Variants in SH3BP4 observed in about 807,000 individuals in gnomAD.
SH3BP4 encodes the protein SH3 domain binding protein 4.
SH3BP4 carries 33 observed loss-of-function variants against 65.5 expected under a neutral mutation model. The observed-to-expected ratio is 0.50, with a 90% CI of 0.38 to 0.67. The LOEUF (loss-of-function observed/expected upper bound fraction) is 0.67. SH3BP4 is among the 30% of genes least tolerant of loss of function. The probability of loss-of-function intolerance (pLI) is 0.00; values close to 1 mark genes in which losing one functional copy is unlikely to be tolerated. For synonymous variants in SH3BP4, 552 were observed against 545.5 expected (o/e 1.01, Z -0.17); for missense variants, 1,134 against 1,261.4 (o/e 0.90, Z 1.53).
rs1193741091 is a variant in SH3BP4, at chr2:234,967,929, A to G, written c.-207+15759A>G. ...ATTGGCCATTGTGTGTTCATCTAAG[A>G]GTTAGTGCAGGACCGGAAGCTCCCA... On this transcript the variant is annotated intron_variant, in intron 1 of 5. Coordinates refer to ENST00000392011, the MANE Select transcript of SH3BP4 (RefSeq NM_014521.3). This position sits in a 1 kb window ranked among gnomAD's most constrained non-coding sequence, Gnocchi z 4.6. Among the ~76,000 whole-genome samples, 2 of 151,962 alleles carry G rather than the reference A, an allele frequency of 1.3e-5. No individual in the cohort carries two copies. Among genetic ancestry groups the G allele is most frequent in the East Asian group, 3.9e-4 (2 of 5,166 alleles).
At position 235,026,922 on chromosome 2, in the gene SH3BP4, C is replaced by G. The variant is rs10175935; in HGVS notation, c.-132-7949C>G. Among the ~76,000 whole-genome samples the G allele has an allele frequency of 0.12, 17,794 of 152,232 alleles. 2,630 individuals are homozygous for G. Among genetic ancestry groups the G allele is most frequent in the African/African-American group, 0.35 (14,411 of 41,496 alleles). On this transcript the variant is annotated intron_variant, in intron 2 of 5. Coordinates refer to ENST00000392011, the MANE Select transcript of SH3BP4 (RefSeq NM_014521.3). This position sits in a 1 kb window ranked among gnomAD's most constrained non-coding sequence, Gnocchi z 4.6. ...CCAGGAAGAGGCAGCCCGCCCGAGC[C>G]CCAGGCAGCATGTTCCTCCTGTGCC...
intron 2 of SH3BP4, among the ~76,000 whole-genome samples, chr2:234,998,497 T>A (rs564071164): frequency 6.6e-6 from 1 of 152,366 alleles, no homozygotes; most frequent in South Asian, 2.1e-4. Context: ...AGGGGTCACG[T>A]CAGACTGAGG....
intron 2 of SH3BP4, among the ~76,000 whole-genome samples, chr2:235,006,324 GC>G (rs1286972499): frequency 5.3e-5 from 8 of 152,202 alleles, no homozygotes; most frequent in Non-Finnish European, 1.0e-4. Flanking sequence ...GCCACTTGCT[GC>G]CCCAGGGGGT....
intron 2 of SH3BP4, among the ~76,000 whole-genome samples, chr2:235,025,903 G>A (rs751642749): frequency 2.6e-5 from 4 of 152,216 alleles, no homozygotes; most frequent in Non-Finnish European, 4.4e-5. Context: ...AAAGGCACAA[G>A]GTCTGGAGAT....
In SH3BP4 at chr2:235,046,371, C is replaced by A. The variant is rs1695859579; in HGVS notation, c.2478+3124C>A. On this transcript the variant is annotated intron_variant, in intron 4 of 5. Transcript: ENST00000392011. The surrounding 1 kb of genome is among the most constrained non-coding windows in gnomAD (Gnocchi z 4.2). ...ATCGCTTGAGCCCGGGAATTCAAGA[C>A]CAGCCTGAGCAACATAGTGAGGCTT... is the stretch of plus-strand genomic sequence containing the variant. Among the ~76,000 whole-genome samples, 1 of 152,090 alleles carries A rather than the reference C, an allele frequency of 6.6e-6. No homozygotes were observed. The highest frequency in any genetic ancestry group is 2.4e-5 in the African/African-American group (1 of 41,394).
At chr2:234,957,809 C>T (rs575797961) in intron 1 of SH3BP4, among the ~76,000 whole-genome samples, 7 of 152,054 alleles carry the variant, frequency 4.6e-5, no homozygotes, top group Admixed American at 3.3e-4. Flanking sequence ...TGGGGCAGGG[C>T]GTGGCAGACC....
At chr2:235,029,679 C>A (rs1257661117) in intron 2 of SH3BP4, among the ~76,000 whole-genome samples, 1 of 152,188 alleles carries the variant, frequency 6.6e-6, no homozygotes, top group Non-Finnish European at 1.5e-5. Flanking sequence ...GGAAAGATAG[C>A]ATAATGAACC....
chr2:234,957,417 G>A, intron 1 of SH3BP4, among the ~76,000 whole-genome samples: 1 of 151,604 alleles, frequency 6.6e-6, no homozygotes, highest in Non-Finnish European at 1.5e-5. Flanking sequence ...TCATTGCACT[G>A]AGCCCACCCA....
Position 235,015,878 on chromosome 2 carries a change from A to G in SH3BP4, c.-132-18993A>G, listed in dbSNP as rs1694671216. On this transcript the variant is annotated intron_variant, in intron 2 of 5. Transcript: ENST00000392011. ...GTATTGCCAGAAAGAGACCACAGCC[A>G]TGGGCGCCTTGCTAGTTGATCTTGA... Among the ~76,000 whole-genome samples the G allele has an allele frequency of 2.6e-5, 4 of 152,016 alleles. 1 individual carries two copies. The highest frequency in any genetic ancestry group is 9.7e-5 in the African/African-American group (4 of 41,404).
intron 4 of SH3BP4, among the ~76,000 whole-genome samples, chr2:235,050,137 A>G (rs1696001147): frequency 6.7e-6 from 1 of 150,278 alleles, no homozygotes. Context: ...TTTTTTTGAG[A>G]CGGAGTCTCG....
chr2:235,022,214 G>A (rs2106310696), intron 2 of SH3BP4, among the ~76,000 whole-genome samples: 1 of 152,312 alleles, frequency 6.6e-6, no homozygotes, highest in Non-Finnish European at 1.5e-5. Flanking sequence ...GGATGTAATT[G>A]AGCAGAAGGT....
intron 1 of SH3BP4, among the ~76,000 whole-genome samples, chr2:234,993,546 G>A (rs946182501): frequency 2.0e-5 from 3 of 152,232 alleles, no homozygotes; most frequent in Non-Finnish European, 4.4e-5. Flanking sequence ...GGAAATGCAC[G>A]CTCACGGTAG....
intron 1 of SH3BP4, among the ~76,000 whole-genome samples, chr2:234,973,594 T>C (rs1373446454): frequency 6.6e-6 from 1 of 152,034 alleles, no homozygotes; most frequent in Non-Finnish European, 1.5e-5. Context: ...AGACAGTACC[T>C]GCCCTTTCTC....
rs1005299294 is a variant in SH3BP4 at position 235,055,377 on chromosome 2, C to T, written c.*1561C>T. 6 of 152,590 alleles carry T rather than the reference C, an allele frequency of 3.9e-5. No homozygotes were observed. The highest frequency in any genetic ancestry group is 2.0e-4 in the Admixed American group (3 of 15,274). 9.5% of individuals were successfully genotyped at this position (152,590 alleles called of 1,614,324 possible). A position where few individuals can be genotyped will look rare whatever the true frequency, so the allele number is the denominator to read the frequency against. On this transcript the variant is annotated 3_prime_UTR_variant, in exon 6 of 6. Transcript: ENST00000392011. ...AAGACCAACGGACTGAAAAAAAGAA[C>T]AAACATTAGCTATTTTATGCTGCAA...
At chr2:235,000,158 C>G (rs965210386) in intron 2 of SH3BP4, among the ~76,000 whole-genome samples, 1 of 152,226 alleles carries the variant, frequency 6.6e-6, no homozygotes, top group Non-Finnish European at 1.5e-5. Context: ...GGGGAAGTGG[C>G]ACTCACTTAT....
At chr2:234,961,874 T>TG (rs1692722438) in intron 1 of SH3BP4, among the ~76,000 whole-genome samples, 1 of 110,078 alleles carries the variant, frequency 9.1e-6, no homozygotes, top group Admixed American at 1.0e-4. Context: ...GGAGGTGGGG[T>TG]GGTGGGGGTG....
Position 235,052,817 on chromosome 2 carries a change from T to C in SH3BP4, c.2667+67T>C, listed in dbSNP as rs1696104713. 7.1e-7 allele frequency: 1 copy of C among 1,417,248 alleles called. No individual in the cohort carries two copies. Among genetic ancestry groups the C allele is most frequent in the Non-Finnish European group, 9.4e-7 (1 of 1,059,700 alleles). The allele number at this position is 1,417,248 out of a possible 1,614,324, so 87.8% of individuals were successfully genotyped here. The stretch of plus-strand genomic sequence containing the variant: ...CCCTGGGTTCCGTGGACCCATGCAG[T>C]GCAGCCATAAAAAGTCTTGCCTCGC... On this transcript the variant is annotated intron_variant, in intron 5 of 5. Coordinates refer to ENST00000392011, the MANE Select transcript of SH3BP4 (RefSeq NM_014521.3). The surrounding 1 kb of genome is among the most constrained non-coding windows in gnomAD (Gnocchi z 5.0).
At chr2:234,982,140 G>A (rs950533938) in intron 1 of SH3BP4, among the ~76,000 whole-genome samples, 1 of 152,132 alleles carries the variant, frequency 6.6e-6, no homozygotes, top group African/African-American at 2.4e-5. Flanking sequence ...CGATGTAACC[G>A]GCTGTTCTGG....
chr2:234,966,375 A>G (rs937780275), intron 1 of SH3BP4, among the ~76,000 whole-genome samples: 1 of 152,216 alleles, frequency 6.6e-6, no homozygotes. Flanking sequence ...GTTTAAAAAA[A>G]TGATAATTAA....
Sources: gnomAD v4.1 joint callset for allele counts (sites outside exome capture counted in the v4.1 genomes callset) on GRCh38, gnomAD v4.1.1 for gene constraint, Gnocchi (gnomAD v3.1) non-coding constraint, MANE v1.5 for transcripts, NCBI Gene and HGNC (gene_info 2026-07-23, HGNC 2026-07-21) for gene names.